The following RELN variants were observed in gnomAD, a reference collection of about 807,000 sequenced individuals.
The protein encoded by RELN is reelin.
RELN carries 108 observed loss-of-function variants against 427.6 expected under a neutral mutation model. That is an observed-to-expected ratio of 0.25 (90% CI 0.22 to 0.30). The LOEUF is 0.30. Among genes scored for constraint, RELN ranks in the 10% least tolerant of loss-of-function variants. The probability of loss-of-function intolerance (pLI) is 1.00; values close to 1 mark genes in which losing one functional copy is unlikely to be tolerated. For synonymous variants in RELN, 1,524 were observed against 1,513.4 expected (o/e 1.01, Z -0.16); for missense variants, 3,715 against 4,302.8 (o/e 0.86, Z 3.82).
chr7:103,554,237 G>GA (rs1211605960), intron 38 of RELN, among the ~76,000 whole-genome samples: 1 of 139,602 alleles, frequency 7.2e-6, no homozygotes, highest in Non-Finnish European at 1.6e-5. Context: ...ACTTTCTGGG[G>GA]GAAAAAAAAA....
At chr7:103,568,491 C>A (rs1329068543) in intron 31 of RELN, among the ~76,000 whole-genome samples, 1 of 152,174 alleles carries the variant, frequency 6.6e-6, no homozygotes, top group Non-Finnish European at 1.5e-5. Context: ...GTTACAGCTT[C>A]TGTTGAATAA....
At chr7:103,663,771 C>T (rs534553689) in intron 11 of RELN, among the ~76,000 whole-genome samples, 327 of 152,322 alleles carry the variant, frequency 2.1e-3, no homozygotes, top group Non-Finnish European at 3.3e-3. Flanking sequence ...CCTGCAATGA[C>T]CACCTGGTCT....
intron 6 of RELN, among the ~76,000 whole-genome samples, chr7:103,739,482 T>C (rs561377115): frequency 2.2e-4 from 33 of 152,312 alleles, no homozygotes; most frequent in Admixed American, 9.1e-4. Flanking sequence ...CTAACAGCAC[T>C]GGTAAAGTGG....
chr7:103,819,516 G>A (rs994286765), intron 3 of RELN, among the ~76,000 whole-genome samples: 1 of 152,060 alleles, frequency 6.6e-6, no homozygotes, highest in African/African-American at 2.4e-5. Context: ...AGTGGAATAT[G>A]GAATTGAAGT....
At chr7:103,866,581 T>C (rs1794202637) in intron 2 of RELN, among the ~76,000 whole-genome samples, 1 of 152,128 alleles carries the variant, frequency 6.6e-6, no homozygotes, top group East Asian at 1.9e-4. Context: ...GTTATTTTTA[T>C]TTTTGTAATT....
intron 11 of RELN, among the ~76,000 whole-genome samples, chr7:103,671,958 T>C (rs1833401963): frequency 2.6e-5 from 4 of 152,166 alleles, no homozygotes; most frequent in Admixed American, 2.6e-4. Flanking sequence ...AATTGCAAGC[T>C]TACATAAAAT....
At position 103,535,471 on chromosome 7, in the gene RELN, T is replaced by C; in HGVS notation, c.7194A>G (p.Glu2398=). The C allele has an allele frequency of 6.2e-7, 1 of 1,613,976 alleles. No individual in the cohort carries two copies. The change falls in exon 46 of 65, where the codon GAA becomes GAG. Residue 2398 remains glutamate (E), a synonymous_variant. Transcript: ENST00000428762. ...ATGACAATCCAAGATCTACTGAGTA[T>C]TCCAATTCAATCGCTGAAACAGGAA... The part of the protein sequence containing the change: ...VTDSCYAIEL[E]YSVDLGLSWH...
chr7:103,519,175 C>G (rs1423573908), intron 49 of RELN, 148 bp downstream of exon 49: 17 of 652,324 alleles, frequency 2.6e-5, no homozygotes, highest in Non-Finnish European at 4.6e-5. Flanking sequence ...AGCTATTTAT[C>G]CAGCTCAGAA....
intron 1 of RELN, among the ~76,000 whole-genome samples, chr7:103,937,814 C>T (rs936691160): frequency 2.0e-5 from 3 of 152,182 alleles, no homozygotes; most frequent in African/African-American, 7.2e-5. Flanking sequence ...TGCAGGTTAG[C>T]TGTTCGTGTA....
chr7:103,635,456 G>C lies in RELN; in HGVS notation c.2434C>G (p.His812Asp), dbSNP rs3025968. Reference sequence around the variant, plus strand: ...TCATGATAGCTGAGATATGAATAATGCTCCAGGAGTTTCCAAGTTATCCCA... The same window carrying C: ...TCATGATAGCTGAGATATGAATAATCCTCCAGGAGTTTCCAAGTTATCCCA... Reference protein sequence around the residue: ...DNGITWKLLEHYSYLSYHEPR... With the variant: ...DNGITWKLLEDYSYLSYHEPR... Residue 812 changes from histidine (H) to aspartate (D), a missense_variant, in exon 19 of 65, where the codon CAT becomes GAT. Around this residue, in one of 4 missense-constraint regions of RELN, gnomAD observed 2,208 missense variants for 2,361.7 expected, o/e 0.93. Transcript: ENST00000428762. 35 of 1,613,796 alleles carry C rather than the reference G, an allele frequency of 2.2e-5. No homozygotes were observed. In the Admixed American group the frequency reaches 5.8e-4, roughly 27 times the overall value.
rs60259062 is a variant in RELN at position 103,926,627 on chromosome 7, G to GTTTTTTTTT, written c.227-9451_227-9443dup. ...CGAACGCAGCTCTAAAGTATCATAA[G>GTTTTTTTTT]TTTTTTTTTTTTTTTTTTTTTTTTT... On this transcript the variant is annotated intron_variant, in intron 1 of 64. Coordinates refer to ENST00000428762, the MANE Select transcript of RELN (RefSeq NM_005045.4). Among the ~76,000 whole-genome samples, 36 of 99,472 alleles carry GTTTTTTTTT rather than the reference G, an allele frequency of 3.6e-4. 1 individual carries two copies. Among genetic ancestry groups the GTTTTTTTTT allele is most frequent in the Middle Eastern group, 7.8e-3 (1 of 128 alleles). 65.3% of individuals were successfully genotyped at this position (99,472 alleles called of 152,430 possible).
chr7:103,806,027 GT>G (rs1378437644), intron 3 of RELN, among the ~76,000 whole-genome samples: 1 of 152,184 alleles, frequency 6.6e-6, no homozygotes, highest in Non-Finnish European at 1.5e-5. Context: ...ATTGCAAGGA[GT>G]TTTTACCTAT....
intron 28 of RELN, among the ~76,000 whole-genome samples, chr7:103,578,554 C>T (rs1167548409): frequency 6.6e-6 from 1 of 152,148 alleles, no homozygotes; most frequent in Admixed American, 6.5e-5. Context: ...CGTTTTGCTT[C>T]ATTTCCATTT....
At chr7:103,676,344 C>T (rs1833523708) in intron 11 of RELN, among the ~76,000 whole-genome samples, 1 of 152,122 alleles carries the variant, frequency 6.6e-6, no homozygotes, top group Admixed American at 6.5e-5. Context: ...AGTGAGATAC[C>T]ATCTCACACC....
At chr7:103,750,123 G>A (rs990008639) in intron 5 of RELN, among the ~76,000 whole-genome samples, 5 of 152,130 alleles carry the variant, frequency 3.3e-5, no homozygotes, top group South Asian at 2.1e-4. Flanking sequence ...GGGATTACAG[G>A]TGCCTACTAC....
At chr7:103,656,484 T>A (rs997276555) in intron 12 of RELN, among the ~76,000 whole-genome samples, 3 of 152,008 alleles carry the variant, frequency 2.0e-5, no homozygotes, top group Admixed American at 6.6e-5. Context: ...TTAGCACACA[T>A]TCTCACCCCA....
At chr7:103,845,899 C>A (rs10275624) in intron 2 of RELN, among the ~76,000 whole-genome samples, 1 of 152,004 alleles carries the variant, frequency 6.6e-6, no homozygotes, top group Middle Eastern at 3.4e-3. Context: ...AAACATTCCA[C>A]GCTCATGGAT....
chr7:103,561,714 GAA>G lies in RELN; in HGVS notation c.5352-7_5352-6del. Reference sequence around the variant, plus strand: ...CCACCAAAGCCCCGGTCACACCTAAGAAAGAGAGGGAGTGGAGAAAAGACATT... The same window carrying G: ...CCACCAAAGCCCCGGTCACACCTAAGAGAGAGGGAGTGGAGAAAAGACATT... On this transcript the variant is annotated splice_region_variant and splice_polypyrimidine_tract_variant and intron_variant, in intron 35 of 64. Coordinates refer to ENST00000428762, the MANE Select transcript of RELN (RefSeq NM_005045.4). The G allele has an allele frequency of 1.9e-6, 3 of 1,613,898 alleles. No individual in the cohort carries two copies. Among genetic ancestry groups the G allele is most frequent in the Non-Finnish European group, 2.5e-6 (3 of 1,179,910 alleles).
intron 19 of RELN, among the ~76,000 whole-genome samples, chr7:103,633,875 T>C (rs1040400591): frequency 6.6e-6 from 1 of 152,120 alleles, no homozygotes; most frequent in South Asian, 2.1e-4. Flanking sequence ...CTATGGATAG[T>C]CTATGAAAGG....
Sources: allele counts gnomAD v4.1 joint callset (sites outside exome capture counted in the v4.1 genomes callset), GRCh38; gene constraint gnomAD v4.1.1; regional missense constraint gnomAD v4.1.1; transcripts MANE v1.5; gene names NCBI Gene and HGNC (gene_info 2026-07-23, HGNC 2026-07-21).